The following KIF16B variants were observed in gnomAD, a reference collection of about 807,000 sequenced individuals.
KIF16B encodes kinesin-like protein KIF16B.
KIF16B carries 98 observed loss-of-function variants against 156.3 expected under a neutral mutation model. The observed-to-expected ratio is 0.63, with a 90% CI of 0.53 to 0.74. The LOEUF is 0.74. KIF16B is among the 30% of genes least tolerant of loss of function. KIF16B has a pLI of 0.00. For missense variants in KIF16B, 1,421 were observed against 1,606.5 expected, an observed-to-expected ratio of 0.88 and a Z score of 1.97; for synonymous variants, 564 against 583.7, an observed-to-expected ratio of 0.97 and a Z score of 0.49.
chr20:16,491,179 A>G (rs1002296770), intron 12 of KIF16B, among the ~76,000 whole-genome samples: 1 of 152,152 alleles, frequency 6.6e-6, no homozygotes, highest in African/African-American at 2.4e-5. Context: ...ATGAAGGAGT[A>G]ACACAGGCAA....
At chr20:16,466,503 G>T (rs1025540044) in intron 12 of KIF16B, among the ~76,000 whole-genome samples, 1 of 152,106 alleles carries the variant, frequency 6.6e-6, no homozygotes, top group African/African-American at 2.4e-5. Context: ...TTCTCTTGAC[G>T]GTGAATAAGT....
chr20:16,306,720 C>T (rs1434332462), intron 25 of KIF16B, among the ~76,000 whole-genome samples: 3 of 152,068 alleles, frequency 2.0e-5, no homozygotes, highest in Non-Finnish European at 4.4e-5. Flanking sequence ...TGAAATGCAC[C>T]ATAAGGCTCC....
chr20:16,328,490 AT>A (rs767577786), intron 24 of KIF16B, among the ~76,000 whole-genome samples: 8 of 152,318 alleles, frequency 5.3e-5, no homozygotes, highest in Non-Finnish European at 1.2e-4. Flanking sequence ...CATTTTCAAA[AT>A]TCATTCTCTT....
intron 10 of KIF16B, 55 bp from the exon 11 acceptor site, chr20:16,497,733 T>A (rs544364832): frequency 7.8e-7 from 1 of 1,289,758 alleles, no homozygotes; most frequent in African/African-American, 1.5e-5. Flanking sequence ...ATAATCTAGG[T>A]TTTTCCCTGA....
At chr20:16,413,486 CT>C (rs2066008650) in intron 15 of KIF16B, among the ~76,000 whole-genome samples, 1 of 152,072 alleles carries the variant, frequency 6.6e-6, no homozygotes, top group Non-Finnish European at 1.5e-5. Context: ...AATAAAACAA[CT>C]CATTTTTTCT....
chr20:16,274,828 C>T (rs1166014958), intron 25 of KIF16B, among the ~76,000 whole-genome samples: 1 of 152,184 alleles, frequency 6.6e-6, no homozygotes, highest in Non-Finnish European at 1.5e-5. Context: ...TCGACGATGC[C>T]ACAGTTGAGA....
At position 16,506,158 on chromosome 20, in the gene KIF16B, G is replaced by A. The variant is rs777773796; in HGVS notation, c.732C>T (p.Thr244=). 19 of 1,613,950 alleles carry A rather than the reference G, an allele frequency of 1.2e-5. 1 individual carries two copies. Among genetic ancestry groups the A allele is most frequent in the South Asian group, 5.5e-5 (5 of 91,074 alleles). Residue 244 remains threonine (T), a synonymous_variant, in exon 8 of 26, where the codon ACC becomes ACT. Coordinates refer to ENST00000354981, the MANE Select transcript of KIF16B (RefSeq NM_024704.5). ...AKFDSEMPCE[T]VSKIHLVDLA... is the part of the protein sequence containing the mutation. ...GATCAACCAAGTGGATCTTACTGACGGTTTCACATGGCATTTCAGAATCAA... is the reference window on the plus strand; with the variant it reads ...GATCAACCAAGTGGATCTTACTGACAGTTTCACATGGCATTTCAGAATCAA...
At chr20:16,464,436 G>A (rs2067431022) in intron 12 of KIF16B, among the ~76,000 whole-genome samples, 1 of 151,918 alleles carries the variant, frequency 6.6e-6, no homozygotes, top group African/African-American at 2.4e-5. Flanking sequence ...GGTGATGGTG[G>A]GTATCAAATC....
At chr20:16,292,419 A>G (rs6080211) in intron 25 of KIF16B, among the ~76,000 whole-genome samples, 24,391 of 152,232 alleles carry the variant, frequency 0.16, 2,187 homozygotes, top group East Asian at 0.32. Context: ...AAGTGTTGTC[A>G]GGGGAAAAAA....
chr20:16,314,482 A>T (rs1036701857), intron 24 of KIF16B, among the ~76,000 whole-genome samples: 2 of 152,172 alleles, frequency 1.3e-5, no homozygotes, highest in Non-Finnish European at 2.9e-5. Flanking sequence ...TTTCTCACCA[A>T]TGTTTAGTTG....
chr20:16,504,263 A>G (rs2068710424), intron 10 of KIF16B, 109 bp downstream of exon 10: 1 of 1,084,500 alleles, frequency 9.2e-7, no homozygotes. Flanking sequence ...TTTACTTAGC[A>G]CTTATTTACT....
intron 25 of KIF16B, among the ~76,000 whole-genome samples, chr20:16,300,299 G>A (rs2063453358): frequency 6.6e-6 from 1 of 152,170 alleles, no homozygotes; most frequent in African/African-American, 2.4e-5. Flanking sequence ...AGTAATGAGT[G>A]AGCCACTTCT....
intron 17 of KIF16B, among the ~76,000 whole-genome samples, chr20:16,392,400 C>T (rs2065388432): frequency 6.6e-6 from 1 of 151,960 alleles, no homozygotes; most frequent in African/African-American, 2.4e-5. Flanking sequence ...AGTGGGTGGC[C>T]CAAGAAGGGG....
chr20:16,426,509 C>T (rs569922021), intron 15 of KIF16B, among the ~76,000 whole-genome samples: 5 of 152,220 alleles, frequency 3.3e-5, no homozygotes, highest in South Asian at 2.1e-4. Flanking sequence ...AAGACTTGAA[C>T]GAGGTCTGAG....
At chr20:16,487,554 A>G (rs1296608161) in intron 12 of KIF16B, among the ~76,000 whole-genome samples, 1 of 152,214 alleles carries the variant, frequency 6.6e-6, no homozygotes, top group Non-Finnish European at 1.5e-5. Flanking sequence ...AATGTTCTGG[A>G]GACAAAAAGT....
intron 17 of KIF16B, among the ~76,000 whole-genome samples, chr20:16,396,233 A>G (rs943374385): frequency 1.3e-5 from 2 of 152,210 alleles, no homozygotes; most frequent in African/African-American, 4.8e-5. Context: ...CGCGCTCCTT[A>G]TGAGACTCAC....
chr20:16,274,088 C>CA (rs1037970080), intron 25 of KIF16B, among the ~76,000 whole-genome samples: 96 of 136,378 alleles, frequency 7.0e-4, no homozygotes, highest in South Asian at 1.9e-3. Flanking sequence ...AAAAAAAAAA[C>CA]AAAAAAAAAA....
chr20:16,524,855 G>A (rs142076976), intron 3 of KIF16B, among the ~76,000 whole-genome samples: 2 of 152,132 alleles, frequency 1.3e-5, no homozygotes, highest in Non-Finnish European at 2.9e-5. Context: ...CATAAAAAAG[G>A]ATGAGTTGAT....
intron 17 of KIF16B, among the ~76,000 whole-genome samples, chr20:16,404,566 C>T (rs1463139032): frequency 4.6e-5 from 7 of 152,116 alleles, no homozygotes; most frequent in Admixed American, 6.5e-5. Flanking sequence ...ACAACACTCA[C>T]GAATGCTTAT....
Sources: allele counts gnomAD v4.1 joint callset (sites outside exome capture counted in the v4.1 genomes callset), GRCh38; gene constraint gnomAD v4.1.1; transcripts MANE v1.5; gene names NCBI Gene and HGNC (gene_info 2026-07-23, HGNC 2026-07-21).